LIMS1: variants seen among roughly 807,000 people sequenced by gnomAD.
The protein encoded by LIMS1 is LIM and senescent cell antigen-like-containing domain protein 1.
LIMS1 carries 18 observed loss-of-function variants against 44.1 expected under a neutral mutation model. That is an observed-to-expected ratio of 0.41 (90% CI 0.28 to 0.61). The LOEUF (loss-of-function observed/expected upper bound fraction) is 0.61. Among genes scored for constraint, LIMS1 ranks in the 20% least tolerant of loss-of-function variants. The probability of loss-of-function intolerance (pLI) is 0.32; values close to 1 mark genes in which losing one functional copy is unlikely to be tolerated. For synonymous variants in LIMS1, 93 were observed against 149.1 expected (o/e 0.62, Z 2.74); for missense variants, 201 against 422.0 (o/e 0.48, Z 4.59).
At chr2:108,583,328 T>C (rs2577624) in intron 1 of LIMS1, among the ~76,000 whole-genome samples, 100,619 of 151,066 alleles carry the variant, frequency 0.67, 34,098 homozygotes, top group East Asian at 0.97. Context: ...CAGGCGTAAA[T>C]CACCACGCCT....
intron 1 of LIMS1, among the ~76,000 whole-genome samples, chr2:108,627,153 G>T (rs1188730261): frequency 1.3e-5 from 2 of 152,164 alleles, no homozygotes; most frequent in African/African-American, 4.8e-5. Context: ...CGTAGCCTAG[G>T]CATGTAATAG....
chr2:108,586,009 C>T (rs763184022), intron 1 of LIMS1, among the ~76,000 whole-genome samples: 6 of 151,944 alleles, frequency 3.9e-5, no homozygotes, highest in Admixed American at 3.9e-4. Flanking sequence ...CTGGCTAACA[C>T]GGTGAAACCC....
At chr2:108,655,287 TC>T in intron 1 of LIMS1, 1 of 704,100 alleles carries the variant, frequency 1.4e-6, no homozygotes, top group Non-Finnish European at 2.3e-6. Flanking sequence ...AGTGCCCTCT[TC>T]CAGGTCCAGC....
At chr2:108,586,736 G>A (rs1686123202) in intron 1 of LIMS1, among the ~76,000 whole-genome samples, 1 of 152,164 alleles carries the variant, frequency 6.6e-6, no homozygotes, top group African/African-American at 2.4e-5. Context: ...CCTTCCTAGA[G>A]GGAATTTTGT....
chr2:108,648,442 G>A (rs770485460), intron 1 of LIMS1, among the ~76,000 whole-genome samples: 3 of 152,086 alleles, frequency 2.0e-5, no homozygotes, highest in African/African-American at 7.2e-5. Context: ...TTTCTTCACA[G>A]AATTGGAAAA....
chr2:108,605,939 C>T (rs905221441), intron 1 of LIMS1, among the ~76,000 whole-genome samples: 4 of 152,204 alleles, frequency 2.6e-5, no homozygotes, highest in African/African-American at 9.6e-5. Flanking sequence ...ATGGAAGCAG[C>T]AGTTGTATGG....
chr2:108,676,103 C>T, intron 6 of LIMS1, 75 bp downstream of exon 6: 1 of 1,481,730 alleles, frequency 6.7e-7, no homozygotes, highest in Non-Finnish European at 9.0e-7. Context: ...ACTTTCAGAT[C>T]TCCCATGATT....
At chr2:108,617,142 C>T (rs1166439893) in intron 1 of LIMS1, among the ~76,000 whole-genome samples, 1 of 152,152 alleles carries the variant, frequency 6.6e-6, no homozygotes, top group African/African-American at 2.4e-5. Flanking sequence ...CCATGGAAAC[C>T]AGCTTGCAGC....
chr2:108,544,123 G>C (rs1375712680), intron 1 of LIMS1, among the ~76,000 whole-genome samples: 2 of 152,162 alleles, frequency 1.3e-5, no homozygotes, highest in African/African-American at 4.8e-5. Flanking sequence ...GTGGTAATTT[G>C]TTAGTAGTTA....
chr2:108,564,735 A>T (rs774072967), intron 1 of LIMS1, among the ~76,000 whole-genome samples: 1 of 152,166 alleles, frequency 6.6e-6, no homozygotes, highest in Non-Finnish European at 1.5e-5. Context: ...GAATGTTTGA[A>T]ATGGAAGGTA....
At chr2:108,676,089 C>T in intron 6 of LIMS1, 61 bp downstream of exon 6, 1 of 1,511,400 alleles carries the variant, frequency 6.6e-7, no homozygotes, top group Non-Finnish European at 8.9e-7. Context: ...AAGGGGTAAC[C>T]AATACTTTCA....
At chr2:108,556,028 A>G (rs1007636008) in intron 1 of LIMS1, among the ~76,000 whole-genome samples, 1 of 152,006 alleles carries the variant, frequency 6.6e-6, no homozygotes, top group Non-Finnish European at 1.5e-5. Flanking sequence ...ATTTACCATC[A>G]TAATCATTTT....
intron 1 of LIMS1, among the ~76,000 whole-genome samples, chr2:108,604,307 T>G (rs1241267103): frequency 6.6e-6 from 1 of 152,224 alleles, no homozygotes; most frequent in South Asian, 2.1e-4. Flanking sequence ...AAAGTTTTCT[T>G]GGGACACAGC....
chr2:108,648,691 C>T (rs560053937), intron 1 of LIMS1, among the ~76,000 whole-genome samples: 6 of 152,238 alleles, frequency 3.9e-5, no homozygotes, highest in Admixed American at 1.3e-4. Context: ...CATCTACAAC[C>T]ATCTGATCTT....
intron 2 of LIMS1, among the ~76,000 whole-genome samples, chr2:108,668,191 C>A (rs1373414680): frequency 6.6e-6 from 1 of 152,158 alleles, no homozygotes; most frequent in East Asian, 1.9e-4. Context: ...TTTATAATTT[C>A]TTTGTCGTAA....
chr2:108,637,497 T>C (rs1054730830), intron 1 of LIMS1, among the ~76,000 whole-genome samples: 9 of 152,172 alleles, frequency 5.9e-5, no homozygotes, highest in Non-Finnish European at 8.8e-5. Flanking sequence ...AAGGGTGTTA[T>C]TTAGAGCCAG....
In LIMS1 at chr2:108,662,162, C is replaced by A; in HGVS notation, c.192+2398C>A. ...TCCTTATATCCCTGGCTTGCTCTTT[C>A]CCCTGTGAGCACCCTGTAGCTCCAG... On this transcript the variant is annotated intron_variant, in intron 2 of 9. Coordinates refer to ENST00000544547, the Ensembl canonical transcript of LIMS1. The A allele has an allele frequency of 3.7e-6, 6 of 1,611,954 alleles. No individual in the cohort carries two copies. The South Asian group carries it at 5.5e-5, about 15-fold the overall frequency.
chr2:108,552,592 G>GTGTATGTGTGTA (rs1553451190), intron 1 of LIMS1, among the ~76,000 whole-genome samples: 1 of 125,420 alleles, frequency 8.0e-6, no homozygotes, highest in East Asian at 2.0e-4. Flanking sequence ...TTGGGTGTGT[G>GTGTATGTGTGTA]TGTGTGTGTG....
At chr2:108,593,005 C>A (rs745404846) in intron 1 of LIMS1, among the ~76,000 whole-genome samples, 2 of 152,068 alleles carry the variant, frequency 1.3e-5, no homozygotes, top group Admixed American at 6.6e-5. Context: ...GTACACATAC[C>A]TGTTTGCATC....
Sources: allele counts gnomAD v4.1 joint callset (sites outside exome capture counted in the v4.1 genomes callset), GRCh38; gene constraint gnomAD v4.1.1; transcripts MANE v1.5; gene names NCBI Gene and HGNC (gene_info 2026-07-23, HGNC 2026-07-21).